Variants in TAFA1 observed in about 807,000 individuals in gnomAD.
The protein encoded by TAFA1 is chemokine-like protein TAFA-1.
A neutral mutation model predicts 18.5 loss-of-function variants in TAFA1; 4 were observed. The observed-to-expected ratio is 0.22, with a 90% CI of 0.11 to 0.49. The LOEUF (loss-of-function observed/expected upper bound fraction) is 0.49, where lower values mean the gene tolerates loss of function less well. Among genes scored for constraint, TAFA1 ranks in the 20% least tolerant of loss-of-function variants. The probability of loss-of-function intolerance (pLI) is 0.98; values close to 1 mark genes in which losing one functional copy is unlikely to be tolerated. For missense variants in TAFA1, 147 were observed against 169.0 expected (o/e 0.87, Z 0.72); for synonymous variants, 56 against 55.2 (o/e 1.01, Z -0.06).
At chr3:68,466,732 G>A (rs1436416079) in intron 3 of TAFA1, among the ~76,000 whole-genome samples, 1 of 152,150 alleles carries the variant, frequency 6.6e-6, no homozygotes. Context: ...CATTGACCAA[G>A]GGGCAGTCAT....
chr3:68,503,363 G>A (rs1344545338), intron 3 of TAFA1, among the ~76,000 whole-genome samples: 1 of 152,066 alleles, frequency 6.6e-6, no homozygotes, highest in Admixed American at 6.6e-5. Context: ...TTTCAAATAA[G>A]GGATACTTAG....
At chr3:68,173,784 C>A (rs924088929) in intron 2 of TAFA1, among the ~76,000 whole-genome samples, 10 of 151,718 alleles carry the variant, frequency 6.6e-5, no homozygotes, top group Non-Finnish European at 1.5e-5. Context: ...TTTTTAGAGC[C>A]CTTCCCTTCC....
At chr3:68,082,094 C>T (rs925140354) in intron 2 of TAFA1, among the ~76,000 whole-genome samples, 14 of 152,336 alleles carry the variant, frequency 9.2e-5, no homozygotes, top group African/African-American at 3.4e-4. Context: ...CGTCCGTCAC[C>T]CCTTTCTTTG....
intron 3 of TAFA1, among the ~76,000 whole-genome samples, chr3:68,461,377 A>ATATATATATATATATATATATATG (rs1337466211): frequency 3.0e-4 from 43 of 142,016 alleles, no homozygotes; most frequent in African/African-American, 1.1e-3. Flanking sequence ...ATATATATAT[A>ATATATATATATATATATATATATG]TATGTATGTA....
chr3:68,228,838 T>C (rs2066835328), intron 2 of TAFA1, among the ~76,000 whole-genome samples: 1 of 152,196 alleles, frequency 6.6e-6, no homozygotes, highest in South Asian at 2.1e-4. Context: ...AATGGCACCC[T>C]TCCTCCACCT....
In TAFA1 at chr3:68,263,492, G is replaced by T. The variant is rs368849316; in HGVS notation, c.119-153788G>T. Reference sequence around the variant, plus strand: ...ACACACACACACACATTTTGTAAGGGGATACTGAGGCCCAGGGACTTACTC... The same window carrying T: ...ACACACACACACACATTTTGTAAGGTGATACTGAGGCCCAGGGACTTACTC... On this transcript the variant is annotated intron_variant, in intron 2 of 4. Coordinates refer to ENST00000478136, the MANE Select transcript of TAFA1 (RefSeq NM_213609.4). 4.8e-4 allele frequency among the ~76,000 whole-genome samples: 60 copies of T among 124,630 alleles called. 2 individuals are homozygous for T. The East Asian group carries it at 8.6e-3, about 18-fold the overall frequency. 81.8% of individuals were successfully genotyped at this position (124,630 alleles called of 152,430 possible).
At chr3:68,303,419 C>A (rs1430480182) in intron 2 of TAFA1, among the ~76,000 whole-genome samples, 1 of 151,986 alleles carries the variant, frequency 6.6e-6, no homozygotes, top group Non-Finnish European at 1.5e-5. Context: ...GATTTTTGGC[C>A]CAATTGTCCT....
chr3:68,409,575 G>A (rs2070674114), intron 2 of TAFA1, among the ~76,000 whole-genome samples: 1 of 152,130 alleles, frequency 6.6e-6, no homozygotes, highest in Non-Finnish European at 1.5e-5. Context: ...CCCAAGTCAT[G>A]CAGAACTGTG....
Position 68,080,452 on chromosome 3 carries a change from C to T in TAFA1, c.118+73708C>T, listed in dbSNP as rs149301084. Among the ~76,000 whole-genome samples, 285 of 151,934 alleles carry T rather than the reference C, an allele frequency of 1.9e-3. 3 individuals carry two copies. Among genetic ancestry groups the T allele is most frequent in the African/African-American group, 5.9e-3 (244 of 41,450 alleles). ...GGCATGATTTTGCAATGGCTGGTAC[C>T]GGTTGTTCCTGTCCATGTTTAGCGC... On this transcript the variant is annotated intron_variant, in intron 2 of 4. Transcript: ENST00000478136.
intron 2 of TAFA1, among the ~76,000 whole-genome samples, chr3:68,045,864 A>AC (rs1440642419): frequency 6.6e-6 from 1 of 152,170 alleles, no homozygotes; most frequent in Non-Finnish European, 1.5e-5. Context: ...TAGGCTGAGG[A>AC]CACTTTGTAC....
At chr3:68,069,007 T>G (rs1393665297) in intron 2 of TAFA1, among the ~76,000 whole-genome samples, 1 of 152,174 alleles carries the variant, frequency 6.6e-6, no homozygotes, top group Admixed American at 6.5e-5. Context: ...CTAGAGGAGG[T>G]GCAGAGCTAT....
In TAFA1 at chr3:68,357,299, G is replaced by A. The variant is rs148853819; in HGVS notation, c.119-59981G>A. 2.6e-5 allele frequency among the ~76,000 whole-genome samples: 4 copies of A among 151,944 alleles called. No individual in the cohort carries two copies. In the East Asian group the frequency reaches 7.8e-4, roughly 29 times the overall value. Reference sequence around the variant, plus strand: ...TGTCTATCTTCATGAAGAAAAGCAAGTATTCATTATGTATATATTTGTTAT... The same window carrying A: ...TGTCTATCTTCATGAAGAAAAGCAAATATTCATTATGTATATATTTGTTAT... On this transcript the variant is annotated intron_variant, in intron 2 of 4. Coordinates refer to ENST00000478136, the MANE Select transcript of TAFA1 (RefSeq NM_213609.4).
At position 68,545,502 on chromosome 3, in the gene TAFA1, A is replaced by G. The variant is rs1159060978; in HGVS notation, c.*999A>G. The G allele has an allele frequency of 6.6e-6, 1 of 152,632 alleles. No homozygotes were observed. Among genetic ancestry groups the G allele is most frequent in the African/African-American group, 2.4e-5 (1 of 41,466 alleles). 9.5% of individuals were successfully genotyped at this position (152,632 alleles called of 1,614,324 possible). ...TTCTATGTTTGGTTTGCTTTTTCCA[A>G]GAGTATTCAGGTCTCCTCTTGTGAG... On this transcript the variant is annotated 3_prime_UTR_variant, in exon 5 of 5. Coordinates refer to ENST00000478136, the MANE Select transcript of TAFA1 (RefSeq NM_213609.4).
chr3:68,255,728 C>T (rs539924303), intron 2 of TAFA1, among the ~76,000 whole-genome samples: 17 of 151,772 alleles, frequency 1.1e-4, no homozygotes, highest in Non-Finnish European at 1.8e-4. Context: ...TTTTAAGGGA[C>T]CCTAGGCTTC....
intron 3 of TAFA1, among the ~76,000 whole-genome samples, chr3:68,449,335 A>G (rs574766775): frequency 1.3e-5 from 2 of 152,294 alleles, no homozygotes; most frequent in South Asian, 2.1e-4. Flanking sequence ...CATTTCCAAA[A>G]CATGAAGTAC....
chr3:68,235,402 TATTTA>T (rs1157226520), intron 2 of TAFA1, among the ~76,000 whole-genome samples: 1 of 152,190 alleles, frequency 6.6e-6, no homozygotes, highest in Non-Finnish European at 1.5e-5. Context: ...CTGGGCGTGT[TATTTA>T]ATTTTTTTTC....
At chr3:68,174,814 A>G (rs1461744921) in intron 2 of TAFA1, among the ~76,000 whole-genome samples, 1 of 152,220 alleles carries the variant, frequency 6.6e-6, no homozygotes, top group Non-Finnish European at 1.5e-5. Context: ...AAGGAACCCA[A>G]TGTTATTGCC....
chr3:68,474,417 G>A (rs1441484768), intron 3 of TAFA1, among the ~76,000 whole-genome samples: 1 of 152,152 alleles, frequency 6.6e-6, no homozygotes, highest in African/African-American at 2.4e-5. Context: ...ATTACTAAGA[G>A]CTATGGTGAG....
intron 2 of TAFA1, among the ~76,000 whole-genome samples, chr3:68,272,633 G>T (rs2107233672): frequency 6.6e-6 from 1 of 152,232 alleles, no homozygotes; most frequent in Middle Eastern, 3.4e-3. Context: ...TGTGACACTT[G>T]TGGAAATTCA....
Sources: gnomAD v4.1 joint callset for allele counts (sites outside exome capture counted in the v4.1 genomes callset) on GRCh38, gnomAD v4.1.1 for gene constraint, MANE v1.5 for transcripts, NCBI Gene and HGNC (gene_info 2026-07-23, HGNC 2026-07-21) for gene names.